GALNT13: variants seen among roughly 807,000 people sequenced by gnomAD.
The protein encoded by GALNT13 is polypeptide N-acetylgalactosaminyltransferase 13.
In GALNT13, 28 loss-of-function variants were observed where a neutral mutation model predicts 64.2. That is an observed-to-expected ratio of 0.44 (90% CI 0.32 to 0.60). The LOEUF is 0.60. GALNT13 is among the 20% of genes least tolerant of loss of function. The pLI is 0.05. For synonymous variants in GALNT13, 214 were observed against 224.6 expected (o/e 0.95, Z 0.42); for missense variants, 577 against 669.8 (o/e 0.86, Z 1.53).
At chr2:153,528,424 T>C in the GALNT13 span, among the ~76,000 whole-genome samples, 2 of 151,982 alleles carry the variant, frequency 1.3e-5, no homozygotes. Context: ...TACTCAGATA[T>C]ATAAAGCAAA....
At chr2:154,025,568 CTTAA>C (rs1419364925) in intron 3 of GALNT13, among the ~76,000 whole-genome samples, 1 of 152,136 alleles carries the variant, frequency 6.6e-6, no homozygotes, top group Non-Finnish European at 1.5e-5. Context: ...TATTATCCCA[CTTAA>C]TTAACCGTTG....
intron 4 of GALNT13, among the ~76,000 whole-genome samples, chr2:154,155,252 C>T (rs1285303837): frequency 6.6e-6 from 1 of 151,776 alleles, no homozygotes; most frequent in Non-Finnish European, 1.5e-5. Flanking sequence ...AATAATTGTG[C>T]AAAATATAAT....
chr2:154,156,995 A>C (rs565998549), intron 4 of GALNT13, among the ~76,000 whole-genome samples: 1 of 152,288 alleles, frequency 6.6e-6, no homozygotes, highest in East Asian at 1.9e-4. Flanking sequence ...AAATACTTAA[A>C]TCACTACTCT....
At chr2:153,375,690 G>GCT in the GALNT13 span, among the ~76,000 whole-genome samples, 1 of 152,174 alleles carries the variant, frequency 6.6e-6, no homozygotes, top group African/African-American at 2.4e-5. Context: ...TCTGATAACA[G>GCT]AACATAGAAG....
chr2:153,196,645 A>G, the GALNT13 span, among the ~76,000 whole-genome samples: 1 of 151,490 alleles, frequency 6.6e-6, no homozygotes, highest in South Asian at 2.1e-4. Flanking sequence ...ATGCCTGCTC[A>G]CAGCATGGGG....
chr2:153,591,678 A>G, the GALNT13 span, among the ~76,000 whole-genome samples: 195 of 152,230 alleles, frequency 1.3e-3, no homozygotes, highest in African/African-American at 4.6e-3. Context: ...TACAAAAATC[A>G]ACACAATATG....
chr2:153,662,785 A>G, the GALNT13 span, among the ~76,000 whole-genome samples: 2 of 152,206 alleles, frequency 1.3e-5, no homozygotes, highest in East Asian at 3.9e-4. Context: ...AAACATGCTT[A>G]GAAAGTACTT....
chr2:153,099,999 A>C, the GALNT13 span, among the ~76,000 whole-genome samples: 3 of 152,196 alleles, frequency 2.0e-5, no homozygotes, highest in South Asian at 6.2e-4. Flanking sequence ...ATGAAATTGG[A>C]TTGGGAAAAA....
At chr2:154,233,083 A>T (rs527597372) in intron 4 of GALNT13, among the ~76,000 whole-genome samples, 3 of 151,858 alleles carry the variant, frequency 2.0e-5, no homozygotes, top group Admixed American at 2.0e-4. Flanking sequence ...AAAAGTACAA[A>T]TGGTTCATAA....
chr2:153,293,773 GTGTGT>G, the GALNT13 span, among the ~76,000 whole-genome samples: 50 of 111,792 alleles, frequency 4.5e-4, no homozygotes, highest in Non-Finnish European at 7.9e-4. Flanking sequence ...GTGTGTGTGT[GTGTGT>G]GTGTGTGTGT....
At chr2:153,615,588 A>G in the GALNT13 span, among the ~76,000 whole-genome samples, 1 of 152,040 alleles carries the variant, frequency 6.6e-6, no homozygotes, top group African/African-American at 2.4e-5. Context: ...AGGTGAGGCA[A>G]TATTTCATTG....
chr2:153,316,639 C>CAAAAAAAAAAAAAAAAAAAAA, the GALNT13 span, among the ~76,000 whole-genome samples: 15 of 69,846 alleles, frequency 2.1e-4, 1 homozygote, highest in East Asian at 2.5e-3. Context: ...GACTCCGTCT[C>CAAAAAAAAAAAAAAAAAAAAA]AAAAAAAAAA....
At chr2:153,157,363 C>A in the GALNT13 span, among the ~76,000 whole-genome samples, 1 of 152,124 alleles carries the variant, frequency 6.6e-6, no homozygotes, top group Non-Finnish European at 1.5e-5. Flanking sequence ...ATAAAGCTTC[C>A]TTTCTATCCT....
chr2:153,559,213 T>G, the GALNT13 span, among the ~76,000 whole-genome samples: 1 of 152,210 alleles, frequency 6.6e-6, no homozygotes, highest in East Asian at 1.9e-4. Flanking sequence ...ATAGCCAGTT[T>G]GTATTGAAAG....
chr2:153,198,641 T>G, the GALNT13 span, among the ~76,000 whole-genome samples: 1 of 152,254 alleles, frequency 6.6e-6, no homozygotes, highest in Non-Finnish European at 1.5e-5. Context: ...TGCAAATTAT[T>G]AACTCATTAT....
chr2:154,440,027 T>C (rs1701205253), intron 12 of GALNT13, among the ~76,000 whole-genome samples: 1 of 152,182 alleles, frequency 6.6e-6, no homozygotes, highest in Non-Finnish European at 1.5e-5. Flanking sequence ...GCAAAATACA[T>C]GTAGGTAAAT....
chr2:154,325,883 C>G (rs1694851665), intron 9 of GALNT13, among the ~76,000 whole-genome samples: 1 of 152,082 alleles, frequency 6.6e-6, no homozygotes, highest in Admixed American at 6.6e-5. Flanking sequence ...ATTCTGGGTT[C>G]TCACATTAGC....
chr2:154,393,906 G>A (rs1574226129), intron 9 of GALNT13, among the ~76,000 whole-genome samples: 1 of 150,012 alleles, frequency 6.7e-6, no homozygotes, highest in Admixed American at 6.6e-5. Flanking sequence ...GTGAAACCCC[G>A]TCTCTACTAA....
chr2:153,866,426 CT>C, the GALNT13 span, among the ~76,000 whole-genome samples: 1 of 152,224 alleles, frequency 6.6e-6, no homozygotes, highest in Non-Finnish European at 1.5e-5. Context: ...ACAAATAAAT[CT>C]ATTTTTTTTG....
Sources: allele counts gnomAD v4.1 joint callset (sites outside exome capture counted in the v4.1 genomes callset), GRCh38; gene constraint gnomAD v4.1.1; transcripts MANE v1.5; gene names NCBI Gene and HGNC (gene_info 2026-07-23, HGNC 2026-07-21).